Variants in FAF1 observed in about 807,000 individuals in gnomAD.
FAF1 encodes FAS-associated factor 1.
A neutral mutation model predicts 92.5 loss-of-function variants in FAF1; 25 were observed. The observed-to-expected ratio is 0.27, with a 90% CI of 0.20 to 0.38. FAF1 has a LOEUF of 0.38. FAF1 is among the 10% of genes least tolerant of loss of function. The pLI is 1.00. For synonymous variants in FAF1, 234 were observed against 273.2 expected, an observed-to-expected ratio of 0.86 and a Z score of 1.42; for missense variants, 636 against 793.3, an observed-to-expected ratio of 0.80 and a Z score of 2.38.
intron 15 of FAF1, among the ~76,000 whole-genome samples, chr1:50,527,584 GAATA>G (rs1647881392): frequency 6.6e-6 from 1 of 152,100 alleles, no homozygotes; most frequent in South Asian, 2.1e-4. Flanking sequence ...ACTGATAATA[GAATA>G]AAGAGTGATG....
intron 8 of FAF1, among the ~76,000 whole-genome samples, chr1:50,621,332 G>A (rs976856501): frequency 1.3e-5 from 2 of 151,984 alleles, no homozygotes. Flanking sequence ...CAGTGAGCAG[G>A]AGGGCTTGCA....
intron 13 of FAF1, among the ~76,000 whole-genome samples, chr1:50,548,877 C>T (rs1400385237): frequency 6.6e-6 from 1 of 152,202 alleles, no homozygotes; most frequent in Non-Finnish European, 1.5e-5. Context: ...TTAGCTGTTT[C>T]TTTGGATAAC....
intron 18 of FAF1, among the ~76,000 whole-genome samples, chr1:50,448,182 G>A (rs1025628411): frequency 6.6e-6 from 1 of 152,188 alleles, no homozygotes; most frequent in Non-Finnish European, 1.5e-5. Context: ...CTGACACATG[G>A]AAGCTATTAT....
chr1:50,631,084 C>A (rs1470171845), intron 8 of FAF1, among the ~76,000 whole-genome samples: 1 of 151,958 alleles, frequency 6.6e-6, no homozygotes, highest in Non-Finnish European at 1.5e-5. Context: ...GCCACAGTGC[C>A]CAGCCTCTAT....
chr1:50,597,489 G>T (rs1015427026), intron 8 of FAF1, among the ~76,000 whole-genome samples: 6 of 152,060 alleles, frequency 3.9e-5, no homozygotes, highest in African/African-American at 1.4e-4. Context: ...CATGAAATAT[G>T]AGGGTAGCTA....
intron 8 of FAF1, among the ~76,000 whole-genome samples, chr1:50,632,385 G>A (rs1237064496): frequency 6.6e-6 from 1 of 152,076 alleles, no homozygotes; most frequent in Non-Finnish European, 1.5e-5. Flanking sequence ...TAACTGATTG[G>A]CTTTTATTAA....
chr1:50,797,881 T>G (rs547962707), intron 3 of FAF1, among the ~76,000 whole-genome samples: 4 of 152,146 alleles, frequency 2.6e-5, no homozygotes, highest in Admixed American at 2.6e-4. Context: ...GGAAGCTCTA[T>G]GTAGAAATCT....
At chr1:50,645,371 G>C (rs1222966619) in intron 8 of FAF1, among the ~76,000 whole-genome samples, 1 of 152,206 alleles carries the variant, frequency 6.6e-6, no homozygotes, top group Non-Finnish European at 1.5e-5. Context: ...AATGTTTGTT[G>C]AATGCCTACT....
At chr1:50,843,683 C>CTAGA (rs964575005) in intron 2 of FAF1, among the ~76,000 whole-genome samples, 1 of 151,946 alleles carries the variant, frequency 6.6e-6, no homozygotes, top group African/African-American at 2.4e-5. Context: ...TCCCGTTCTA[C>CTAGA]CCATGTTGCT....
At chr1:50,687,827 C>A (rs888481152) in intron 7 of FAF1, among the ~76,000 whole-genome samples, 15 of 151,914 alleles carry the variant, frequency 9.9e-5, no homozygotes, top group Non-Finnish European at 2.1e-4. Flanking sequence ...ACCACTTTAC[C>A]TCCATTAGAA....
At chr1:50,825,811 C>T (rs905729562) in intron 2 of FAF1, among the ~76,000 whole-genome samples, 3 of 152,140 alleles carry the variant, frequency 2.0e-5, no homozygotes, top group Non-Finnish European at 4.4e-5. Context: ...ACTGAAATCA[C>T]ATAGTACATT....
chr1:50,941,166 G>A (rs112312742), intron 1 of FAF1, among the ~76,000 whole-genome samples: 13,073 of 151,848 alleles, frequency 0.086, 725 homozygotes, highest in South Asian at 0.19. Flanking sequence ...TCAGTAGCTG[G>A]GACTTACAGG....
intron 7 of FAF1, 104 bp from the exon 8 acceptor site, chr1:50,655,632 A>G: frequency 1.5e-6 from 1 of 683,754 alleles, no homozygotes; most frequent in African/African-American, 1.9e-5. Flanking sequence ...TTTCTTCTAG[A>G]TTCAAAACAA....
Position 50,642,253 on chromosome 1 carries a change from A to G in FAF1, c.744+13189T>C, listed in dbSNP as rs527325202. ...TGTTCTGTATCTTTTCTGATGTCAC[A>G]GTCATCCCAAATTTCTTATGTTTAG... On this transcript the variant is annotated intron_variant, in intron 8 of 18. Coordinates refer to ENST00000396153, the MANE Select transcript of FAF1 (RefSeq NM_007051.3). Among the ~76,000 whole-genome samples, 9 of 151,884 alleles carry G rather than the reference A, an allele frequency of 5.9e-5. No individual in the cohort carries two copies. The South Asian group carries it at 1.9e-3, about 32-fold the overall frequency.
intron 1 of FAF1, among the ~76,000 whole-genome samples, chr1:50,946,054 A>G (rs917791571): frequency 6.6e-6 from 1 of 152,212 alleles, no homozygotes; most frequent in Non-Finnish European, 1.5e-5. Context: ...TGAAGTGGGA[A>G]CTAAAGTTTC....
chr1:50,774,488 T>G (rs1013172130), intron 4 of FAF1, among the ~76,000 whole-genome samples: 1 of 152,186 alleles, frequency 6.6e-6, no homozygotes, highest in Non-Finnish European at 1.5e-5. Flanking sequence ...CTAAATGTTT[T>G]AAATCTTTCC....
intron 7 of FAF1, among the ~76,000 whole-genome samples, chr1:50,659,251 G>A (rs956462436): frequency 6.6e-6 from 1 of 151,470 alleles, no homozygotes; most frequent in Non-Finnish European, 1.5e-5. Flanking sequence ...AAGAGGGAGG[G>A]GGAAGGGAAA....
At chr1:50,655,614 TTTC>T in intron 7 of FAF1, 86 bp from the exon 8 acceptor site, 4 of 765,130 alleles carry the variant, frequency 5.2e-6, no homozygotes, top group Non-Finnish European at 8.3e-6. Flanking sequence ...ATACAGTGTA[TTTC>T]TTGTTTTCTT....
At chr1:50,451,667 G>A (rs1340233011) in intron 18 of FAF1, 1 of 170,752 alleles carries the variant, frequency 5.9e-6, no homozygotes, top group Non-Finnish European at 1.2e-5. Flanking sequence ...ATTACCTTAG[G>A]CATTTGGGTG....
Sources: gnomAD v4.1 joint callset for allele counts (sites outside exome capture counted in the v4.1 genomes callset) on GRCh38, gnomAD v4.1.1 for gene constraint, MANE v1.5 for transcripts, NCBI Gene and HGNC (gene_info 2026-07-23, HGNC 2026-07-21) for gene names.